The following TRAPPC9 variants were observed in gnomAD, a reference collection of about 807,000 sequenced individuals.
The protein encoded by TRAPPC9 is trafficking protein particle complex subunit 9.
A neutral mutation model predicts 124.0 loss-of-function variants in TRAPPC9; 83 were observed. That is an observed-to-expected ratio of 0.67 (90% CI 0.56 to 0.80). The LOEUF (loss-of-function observed/expected upper bound fraction) is 0.80, where lower values mean the gene tolerates loss of function less well. TRAPPC9 is among the 30% of genes least tolerant of loss of function. The pLI is 0.00. For missense variants in TRAPPC9, 1,302 were observed against 1,508.3 expected (o/e 0.86, Z 2.27); for synonymous variants, 638 against 617.5 (o/e 1.03, Z -0.49).
At chr8:140,329,683 A>G (rs2066844648) in intron 9 of TRAPPC9, among the ~76,000 whole-genome samples, 1 of 152,174 alleles carries the variant, frequency 6.6e-6, no homozygotes, top group Non-Finnish European at 1.5e-5. Flanking sequence ...TACCATATTA[A>G]GCAACCTCCT....
At chr8:140,229,800 C>T (rs2131367679) in intron 16 of TRAPPC9, among the ~76,000 whole-genome samples, 1 of 152,178 alleles carries the variant, frequency 6.6e-6, no homozygotes, top group South Asian at 2.1e-4. Flanking sequence ...TCAAGTGATC[C>T]ACCAGCCTTG....
chr8:140,040,967 T>C (rs1316067376), intron 17 of TRAPPC9: 4 of 152,044 alleles, frequency 2.6e-5, no homozygotes, highest in Non-Finnish European at 5.9e-5. Flanking sequence ...CACGGAAAGG[T>C]GGAAACATTT....
intron 17 of TRAPPC9, among the ~76,000 whole-genome samples, chr8:140,142,520 A>T (rs552787992): frequency 6.6e-6 from 1 of 152,366 alleles, no homozygotes; most frequent in East Asian, 1.9e-4. Flanking sequence ...GTGGCCTCAC[A>T]TTGGAGACAA....
chr8:139,954,417 G>A (rs7834946), intron 19 of TRAPPC9, among the ~76,000 whole-genome samples: 25,169 of 152,058 alleles, frequency 0.17, 2,870 homozygotes, highest in African/African-American at 0.32. Context: ...CTATGGTTAC[G>A]TGTGATCATA....
intron 7 of TRAPPC9, among the ~76,000 whole-genome samples, chr8:140,391,932 A>T (rs1039342861): frequency 4.6e-5 from 7 of 151,664 alleles, no homozygotes; most frequent in Non-Finnish European, 4.4e-5. Context: ...AGGGTGAGGC[A>T]GGAGAATTGC....
intron 21 of TRAPPC9, among the ~76,000 whole-genome samples, chr8:139,795,688 A>C (rs1040996740): frequency 4.6e-5 from 7 of 152,168 alleles, no homozygotes; most frequent in Admixed American, 3.3e-4. Flanking sequence ...AACTAACCTG[A>C]AACCCAGAGT....
intron 5 of TRAPPC9, among the ~76,000 whole-genome samples, chr8:140,422,244 A>T: frequency 6.6e-6 from 1 of 150,654 alleles, no homozygotes; most frequent in East Asian, 1.9e-4. Flanking sequence ...TGAAGATTAA[A>T]TTGCTTTAGG....
At chr8:140,246,890 C>A (rs1159443235) in intron 16 of TRAPPC9, among the ~76,000 whole-genome samples, 1 of 152,012 alleles carries the variant, frequency 6.6e-6, no homozygotes, top group Non-Finnish European at 1.5e-5. Flanking sequence ...GAGGCTGAGG[C>A]AGGAGAATCA....
intron 19 of TRAPPC9, among the ~76,000 whole-genome samples, chr8:139,952,526 C>T (rs1834704147): frequency 6.6e-6 from 1 of 152,156 alleles, no homozygotes; most frequent in African/African-American, 2.4e-5. Flanking sequence ...GCTCGGGTCA[C>T]CAGAGGGCTC....
At chr8:139,765,516 G>A (rs1019426346) in intron 21 of TRAPPC9, among the ~76,000 whole-genome samples, 1 of 152,224 alleles carries the variant, frequency 6.6e-6, no homozygotes, top group Non-Finnish European at 1.5e-5. Flanking sequence ...ATGAGGGCAA[G>A]AGGATTAGAG....
At chr8:140,026,681 C>T (rs1489332946) in intron 17 of TRAPPC9, among the ~76,000 whole-genome samples, 1 of 152,112 alleles carries the variant, frequency 6.6e-6, no homozygotes, top group African/African-American at 2.4e-5. Context: ...TTTAAAAGCT[C>T]ACTATTCCAA....
intron 17 of TRAPPC9, among the ~76,000 whole-genome samples, chr8:140,054,657 A>G (rs1842197402): frequency 6.6e-6 from 1 of 152,182 alleles, no homozygotes; most frequent in Non-Finnish European, 1.5e-5. Flanking sequence ...TGGGACTAAA[A>G]AACGAAGAAG....
rs1466502864 is a variant in TRAPPC9, at chr8:140,376,674, G to A, written c.1135-5494C>T. On this transcript the variant is annotated intron_variant, in intron 7 of 22. Coordinates refer to ENST00000438773, the MANE Select transcript of TRAPPC9 (RefSeq NM_001160372.4). ...GCAGATTACCTGAGGTCAGGAGTTC[G>A]AGACCAGCCTGGCCAACATAGTGAA... 3.3e-5 allele frequency among the ~76,000 whole-genome samples: 5 copies of A among 150,576 alleles called. No individual in the cohort carries two copies. In the South Asian group the frequency reaches 6.3e-4, roughly 19 times the overall value.
intron 9 of TRAPPC9, among the ~76,000 whole-genome samples, chr8:140,313,651 G>A (rs1588138504): frequency 2.0e-5 from 3 of 152,136 alleles, no homozygotes; most frequent in Admixed American, 1.3e-4. Context: ...TACTCCCCAT[G>A]AGCGTAGCAG....
At chr8:139,755,092 G>A (rs527939795) in intron 21 of TRAPPC9, among the ~76,000 whole-genome samples, 55 of 152,358 alleles carry the variant, frequency 3.6e-4, no homozygotes, top group South Asian at 2.7e-3. Flanking sequence ...CTGAGAGGTC[G>A]TTGTAATTGG....
At chr8:140,065,509 G>T (rs1044299408) in intron 17 of TRAPPC9, among the ~76,000 whole-genome samples, 1 of 152,186 alleles carries the variant, frequency 6.6e-6, no homozygotes, top group Non-Finnish European at 1.5e-5. Flanking sequence ...GAAAGAACAG[G>T]CTGACTGTCT....
At chr8:139,987,276 G>C (rs908860996) in intron 19 of TRAPPC9, among the ~76,000 whole-genome samples, 1 of 152,160 alleles carries the variant, frequency 6.6e-6, no homozygotes, top group Non-Finnish European at 1.5e-5. Flanking sequence ...GGTTGAAATA[G>C]CTGGGCAAAG....
At chr8:140,066,614 G>T (rs560977558) in intron 17 of TRAPPC9, among the ~76,000 whole-genome samples, 15 of 152,276 alleles carry the variant, frequency 9.9e-5, no homozygotes, top group African/African-American at 3.4e-4. Flanking sequence ...TTGTAAATAC[G>T]TCAATGTAAA....
At chr8:139,940,668 C>A (rs946961125) in intron 19 of TRAPPC9, among the ~76,000 whole-genome samples, 5 of 151,946 alleles carry the variant, frequency 3.3e-5, no homozygotes, top group African/African-American at 1.2e-4. Context: ...TCCACTGTCA[C>A]CCACAGAACT....
Sources: gnomAD v4.1 joint callset for allele counts (sites outside exome capture counted in the v4.1 genomes callset) on GRCh38, gnomAD v4.1.1 for gene constraint, MANE v1.5 for transcripts, NCBI Gene and HGNC (gene_info 2026-07-23, HGNC 2026-07-21) for gene names.